The following ABLIM1 variants were observed in gnomAD, a reference collection of about 807,000 sequenced individuals.
ABLIM1 encodes actin binding LIM protein 1.
ABLIM1 carries 40 observed loss-of-function variants against 107.0 expected under a neutral mutation model. That is an observed-to-expected ratio of 0.37 (90% CI 0.29 to 0.49). ABLIM1 has a LOEUF of 0.49. Ranked by LOEUF, ABLIM1 falls within the 20% of genes least tolerant of loss-of-function variation. The pLI, the probability that ABLIM1 is intolerant of heterozygous loss-of-function variation, is 0.97. For synonymous variants in ABLIM1, 357 were observed against 357.3 expected (o/e 1.00, Z 0.01); for missense variants, 857 against 1,008.5 (o/e 0.85, Z 2.04).
intron 1 of ABLIM1, among the ~76,000 whole-genome samples, chr10:114,602,963 C>A (rs952378050): frequency 6.6e-6 from 1 of 152,136 alleles, no homozygotes; most frequent in Admixed American, 6.6e-5. Context: ...GTTTCTCCAG[C>A]TAGAGAATGC....
At chr10:114,485,428 C>T in intron 8 of ABLIM1, 1 of 1,479,192 alleles carries the variant, frequency 6.8e-7, no homozygotes, top group African/African-American at 1.4e-5. Flanking sequence ...GAAATAGCCT[C>T]AAATCAGAAG....
chr10:114,613,785 G>T, intron 1 of ABLIM1: 1 of 1,278,122 alleles, frequency 7.8e-7, no homozygotes, highest in Non-Finnish European at 1.0e-6. Context: ...TAAACACCTA[G>T]GCTCCTGACT....
chr10:114,476,067 A>G (rs1454616150), intron 8 of ABLIM1, among the ~76,000 whole-genome samples: 2 of 152,224 alleles, frequency 1.3e-5, no homozygotes, highest in East Asian at 3.9e-4. Context: ...TGGCCAATTC[A>G]GGTCAGGCAG....
chr10:114,640,981 A>G (rs937609981), intron 1 of ABLIM1, among the ~76,000 whole-genome samples: 2 of 152,176 alleles, frequency 1.3e-5, no homozygotes, highest in African/African-American at 4.8e-5. Context: ...CCCAAAAGAA[A>G]GTACCTAGCA....
At chr10:114,559,459 AAAAGAAAGAAAG>A (rs58147385) in intron 4 of ABLIM1, among the ~76,000 whole-genome samples, 1 of 142,158 alleles carries the variant, frequency 7.0e-6, no homozygotes, top group African/African-American at 2.7e-5. Context: ...AAAAAAAAAA[AAAAGAAAGAAAG>A]AAAAAAAGAA....
intron 2 of ABLIM1, among the ~76,000 whole-genome samples, chr10:114,600,658 G>A (rs751833293): frequency 3.3e-5 from 5 of 152,070 alleles, no homozygotes; most frequent in Non-Finnish European, 7.4e-5. Context: ...AGAAATGAAG[G>A]TGCGTACCAC....
chr10:114,562,087 C>T (rs572405980), intron 4 of ABLIM1, among the ~76,000 whole-genome samples: 1 of 152,284 alleles, frequency 6.6e-6, no homozygotes, highest in Non-Finnish European at 1.5e-5. Flanking sequence ...TCTCAATATC[C>T]AGTAGAGCAA....
chr10:114,615,945 T>C (rs1039577869), intron 1 of ABLIM1, among the ~76,000 whole-genome samples: 1 of 152,194 alleles, frequency 6.6e-6, no homozygotes, highest in Non-Finnish European at 1.5e-5. Flanking sequence ...GGGAGGAGTT[T>C]GGGTGGCCCC....
At chr10:114,542,696 T>G (rs1339925726) in intron 6 of ABLIM1, among the ~76,000 whole-genome samples, 2 of 151,952 alleles carry the variant, frequency 1.3e-5, no homozygotes, top group African/African-American at 4.8e-5. Flanking sequence ...CCACAAGAGA[T>G]CAAACTCAGG....
intron 4 of ABLIM1, among the ~76,000 whole-genome samples, chr10:114,551,617 T>C (rs979273875): frequency 3.3e-5 from 5 of 152,236 alleles, no homozygotes; most frequent in Non-Finnish European, 7.3e-5. Context: ...AGTGAAAGAT[T>C]GGCCCATGAC....
chr10:114,601,631 A>C, intron 2 of ABLIM1, 196 bp downstream of exon 2: 2 of 855,544 alleles, frequency 2.3e-6, no homozygotes, highest in South Asian at 2.9e-5. Flanking sequence ...AAGGCCCACG[A>C]ATCACTGGTT....
chr10:114,795,661 A>T, the ABLIM1 span, among the ~76,000 whole-genome samples: 1 of 151,666 alleles, frequency 6.6e-6, no homozygotes, highest in Non-Finnish European at 1.5e-5. Flanking sequence ...GTGAGCTGAG[A>T]TCACACCATT....
chr10:114,660,505 T>A (rs1277631311), upstream of ABLIM1, among the ~76,000 whole-genome samples: 1 of 150,900 alleles, frequency 6.6e-6, no homozygotes, highest in Non-Finnish European at 1.5e-5. Context: ...CATTCATCCA[T>A]CAAAAAAAAA....
chr10:114,755,221 G>T (rs11813218), intron 1 of ABLIM1, among the ~76,000 whole-genome samples: 1,949 of 152,284 alleles, frequency 0.013, 33 homozygotes, highest in African/African-American at 0.043. Flanking sequence ...CTGTGCATGC[G>T]AAGGATATAA....
At chr10:114,504,173 A>T (rs1408315854) in intron 6 of ABLIM1, among the ~76,000 whole-genome samples, 1 of 152,132 alleles carries the variant, frequency 6.6e-6, no homozygotes, top group Non-Finnish European at 1.5e-5. Context: ...TTGAGCTTAA[A>T]TATTTCTTCC....
At chr10:114,490,972 A>ATGTGTGTGTG (rs1565576792) in intron 7 of ABLIM1, among the ~76,000 whole-genome samples, 6 of 85,032 alleles carry the variant, frequency 7.1e-5, no homozygotes, top group Middle Eastern at 5.5e-3. Context: ...CCCGGCATAT[A>ATGTGTGTGTG]TATGTGTGTG....
At chr10:114,658,821 A>G (rs1198543574), upstream of ABLIM1, among the ~76,000 whole-genome samples, 3 of 152,174 alleles carry the variant, frequency 2.0e-5, no homozygotes, top group Non-Finnish European at 2.9e-5. Context: ...TCATTCCATT[A>G]AGCCAATGTT....
chr10:114,692,747 G>A (rs1484148681), intron 1 of ABLIM1, among the ~76,000 whole-genome samples: 2 of 151,996 alleles, frequency 1.3e-5, no homozygotes, highest in South Asian at 2.1e-4. Context: ...AAAATTAGCC[G>A]GGCGTGGTGG....
At chr10:114,507,769 A>G (rs2061355396) in intron 6 of ABLIM1, among the ~76,000 whole-genome samples, 1 of 152,168 alleles carries the variant, frequency 6.6e-6, no homozygotes, top group South Asian at 2.1e-4. Flanking sequence ...GTGATTTGTG[A>G]ACTGTGGGTT....
Sources: gnomAD v4.1 joint callset for allele counts (sites outside exome capture counted in the v4.1 genomes callset) on GRCh38, gnomAD v4.1.1 for gene constraint, MANE v1.5 for transcripts, NCBI Gene and HGNC (gene_info 2026-07-23, HGNC 2026-07-21) for gene names.